Variants in TBC1D14 observed in about 807,000 individuals in gnomAD.
The protein encoded by TBC1D14 is TBC1 domain family, member 14.
A neutral mutation model predicts 79.0 loss-of-function variants in TBC1D14; 26 were observed. That is an observed-to-expected ratio of 0.33 (90% CI 0.24 to 0.46). The LOEUF is 0.46. Among genes scored for constraint, TBC1D14 ranks in the 20% least tolerant of loss-of-function variants. The pLI is 1.00. For synonymous variants in TBC1D14, 394 were observed against 349.9 expected (o/e 1.13, Z -1.40); for missense variants, 769 against 887.6 (o/e 0.87, Z 1.70).
chr4:6,939,656 T>C (rs1159484168), intron 2 of TBC1D14, among the ~76,000 whole-genome samples: 2 of 150,512 alleles, frequency 1.3e-5, no homozygotes, highest in African/African-American at 4.9e-5. Flanking sequence ...AACGGCAAGA[T>C]AGTCGACTGA....
chr4:6,968,234 C>T (rs919422577), intron 3 of TBC1D14, among the ~76,000 whole-genome samples: 16 of 152,244 alleles, frequency 1.1e-4, no homozygotes, highest in Admixed American at 2.6e-4. Context: ...TGCTTGGCAC[C>T]GGAGTTGGAA....
chr4:7,010,081 A>G, intron 10 of TBC1D14, 133 bp downstream of exon 10: 2 of 864,616 alleles, frequency 2.3e-6, no homozygotes, highest in Non-Finnish European at 3.8e-6. Flanking sequence ...GTCTCGTGGT[A>G]AGTGAGTTAA....
chr4:6,987,355 T>C, intron 3 of TBC1D14: 16 of 1,422,742 alleles, frequency 1.1e-5, no homozygotes, highest in Non-Finnish European at 1.5e-5. Flanking sequence ...TCATGGTGAG[T>C]CGGGGTGCGG....
intron 3 of TBC1D14, among the ~76,000 whole-genome samples, chr4:6,973,466 G>C (rs900910384): frequency 6.6e-6 from 1 of 152,086 alleles, no homozygotes; most frequent in Admixed American, 6.5e-5. Context: ...AAGTGAACAG[G>C]TCCCGGTCCC....
intron 3 of TBC1D14, among the ~76,000 whole-genome samples, chr4:6,972,477 C>T (rs981673530): frequency 6.6e-6 from 1 of 152,184 alleles, no homozygotes; most frequent in African/African-American, 2.4e-5. Flanking sequence ...CCCGTTCGCC[C>T]ACCTTTTCGG....
At chr4:6,969,439 T>C (rs905120508) in intron 3 of TBC1D14, among the ~76,000 whole-genome samples, 1 of 152,152 alleles carries the variant, frequency 6.6e-6, no homozygotes, top group Admixed American at 6.5e-5. Flanking sequence ...GGAGTCTCAC[T>C]CTGTCGCCCA....
intron 13 of TBC1D14, among the ~76,000 whole-genome samples, chr4:7,025,854 G>C (rs1463055794): frequency 6.6e-6 from 1 of 152,208 alleles, no homozygotes; most frequent in Non-Finnish European, 1.5e-5. Flanking sequence ...ATCCCTCCTA[G>C]GTCCTGTCCC....
At chr4:6,923,321 G>A (rs1487943225) in intron 1 of TBC1D14, 52 bp from the exon 2 acceptor site, 7 of 1,530,540 alleles carry the variant, frequency 4.6e-6, no homozygotes, top group Non-Finnish European at 6.2e-6. Context: ...CAGAGGTGTG[G>A]CATCTTTGAA....
intron 3 of TBC1D14, among the ~76,000 whole-genome samples, chr4:6,985,420 G>T (rs967355213): frequency 1.2e-4 from 18 of 152,122 alleles, no homozygotes. Context: ...AATGATCAAG[G>T]TCAAAGATTT....
chr4:6,987,405 G>T lies in TBC1D14; in HGVS notation c.844-6779G>T, dbSNP rs1461077447. The T allele has an allele frequency of 9.6e-6, 13 of 1,360,978 alleles. 1 individual carries two copies. Among genetic ancestry groups the T allele is most frequent in the East Asian group, 6.2e-5 (2 of 32,408 alleles). 84.3% of individuals were successfully genotyped at this position (1,360,978 alleles called of 1,614,324 possible). A position where few individuals can be genotyped will look rare whatever the true frequency, so the allele number is the denominator to read the frequency against. ...CTGCGCCCCAGGCCTGCCCGGTCCCGTGGGCCTGTCCTGTCCTGGGCCTGC... is the reference window on the plus strand; with the variant it reads ...CTGCGCCCCAGGCCTGCCCGGTCCCTTGGGCCTGTCCTGTCCTGGGCCTGC... On this transcript the variant is annotated intron_variant, in intron 3 of 13. Transcript: ENST00000409757.
chr4:6,993,896 G>C (rs1577137412), intron 3 of TBC1D14, among the ~76,000 whole-genome samples: 1 of 152,188 alleles, frequency 6.6e-6, no homozygotes, highest in Non-Finnish European at 1.5e-5. Context: ...TCTATTTCCA[G>C]CTACTTGAGA....
Position 7,003,730 on chromosome 4 carries a change from C to T in TBC1D14, c.1271-1114C>T, listed in dbSNP as rs534230205. ...AGAGCCAGAGGAGTGGCGGGTGCAG[C>T]AGCTGGCGCTTGTCATCCCAGCACT... On this transcript the variant is annotated intron_variant, in intron 7 of 13. Transcript: ENST00000409757. 5.3e-5 allele frequency among the ~76,000 whole-genome samples: 8 copies of T among 151,320 alleles called. No individual in the cohort carries two copies. In the South Asian group the frequency reaches 1.7e-3, roughly 32 times the overall value.
intron 11 of TBC1D14, among the ~76,000 whole-genome samples, chr4:7,013,436 G>C (rs1560349956): frequency 6.6e-6 from 1 of 152,260 alleles, no homozygotes. Context: ...GAGCACTGGA[G>C]CAGAACTGGG....
chr4:6,999,044 T>C, intron 5 of TBC1D14, 41 bp from the exon 6 acceptor site: 1 of 1,593,028 alleles, frequency 6.3e-7, no homozygotes, highest in East Asian at 2.2e-5. Context: ...ATGGTCCATA[T>C]CAGTTAGTAG....
At chr4:6,951,163 G>T (rs906483337) in intron 2 of TBC1D14, among the ~76,000 whole-genome samples, 4 of 152,060 alleles carry the variant, frequency 2.6e-5, no homozygotes, top group Non-Finnish European at 5.9e-5. Flanking sequence ...GTAGTGGCAG[G>T]CACCTATAAT....
chr4:6,914,157 C>T (rs1030865567), intron 1 of TBC1D14, among the ~76,000 whole-genome samples: 15 of 151,828 alleles, frequency 9.9e-5, no homozygotes, highest in Non-Finnish European at 1.9e-4. Context: ...AAAAGTTCCA[C>T]CTGTGCCTTT....
intron 8 of TBC1D14, 88 bp from the exon 9 acceptor site, chr4:7,006,544 G>T: frequency 3.2e-6 from 4 of 1,249,580 alleles, no homozygotes; most frequent in Admixed American, 4.2e-5. Context: ...TTTTTTCCGT[G>T]TTTTGTTCTT....
chr4:6,950,338 C>T (rs1713916805), intron 2 of TBC1D14, among the ~76,000 whole-genome samples: 1 of 152,158 alleles, frequency 6.6e-6, no homozygotes, highest in Non-Finnish European at 1.5e-5. Flanking sequence ...CATTTGGATC[C>T]TCTCTGTAGA....
At chr4:6,991,355 C>G (rs1324688786) in intron 3 of TBC1D14, among the ~76,000 whole-genome samples, 2 of 152,160 alleles carry the variant, frequency 1.3e-5, no homozygotes, top group Non-Finnish European at 2.9e-5. Flanking sequence ...CTGCGGAACC[C>G]CAGCGCGTGG....
Sources: gnomAD v4.1 joint callset for allele counts (sites outside exome capture counted in the v4.1 genomes callset) on GRCh38, gnomAD v4.1.1 for gene constraint, MANE v1.5 for transcripts, NCBI Gene and HGNC (gene_info 2026-07-23, HGNC 2026-07-21) for gene names.